The following SLC44A5 variants were observed in gnomAD, a reference collection of about 807,000 sequenced individuals.
SLC44A5 encodes the protein solute carrier family 44 member 5.
A neutral mutation model predicts 101.8 loss-of-function variants in SLC44A5; 57 were observed. That is an observed-to-expected ratio of 0.56 (90% confidence interval 0.45 to 0.70). The LOEUF (loss-of-function observed/expected upper bound fraction) is 0.70. SLC44A5 is among the 30% of genes least tolerant of loss of function. SLC44A5 has a pLI of 0.00. For synonymous variants in SLC44A5, 281 were observed against 290.9 expected (o/e 0.97, Z 0.35); for missense variants, 737 against 853.1 (o/e 0.86, Z 1.70).
chr1:75,632,312 G>T, the SLC44A5 span, among the ~76,000 whole-genome samples: 3 of 135,198 alleles, frequency 2.2e-5, no homozygotes, highest in African/African-American at 5.7e-5. Flanking sequence ...AATAAATATT[G>T]AAACAAATGC....
At chr1:75,374,731 T>C (rs139199269) in intron 3 of SLC44A5, among the ~76,000 whole-genome samples, 1 of 152,222 alleles carries the variant, frequency 6.6e-6, no homozygotes, top group East Asian at 1.9e-4. Context: ...TGGAGACCCA[T>C]GCAGGAAAGG....
intron 3 of SLC44A5, 130 bp downstream of exon 3, chr1:75,396,453 C>T (rs1408726617): frequency 7.8e-6 from 6 of 764,362 alleles, no homozygotes; most frequent in Non-Finnish European, 1.3e-5. Context: ...CCAAAAAAAG[C>T]TTCAGTCAGC....
At chr1:75,293,619 T>C (rs1570596178) in intron 5 of SLC44A5, among the ~76,000 whole-genome samples, 2 of 152,200 alleles carry the variant, frequency 1.3e-5, no homozygotes, top group East Asian at 3.8e-4. Flanking sequence ...TGAAAATCTG[T>C]GTTGATGACA....
At chr1:75,393,106 C>T (rs555466411) in intron 3 of SLC44A5, among the ~76,000 whole-genome samples, 19 of 152,246 alleles carry the variant, frequency 1.2e-4, no homozygotes, top group Admixed American at 9.2e-4. Context: ...CAAACCCTCA[C>T]GTCATGCAAT....
At chr1:75,366,180 C>A (rs1044191593) in intron 3 of SLC44A5, among the ~76,000 whole-genome samples, 1 of 152,126 alleles carries the variant, frequency 6.6e-6, no homozygotes, top group African/African-American at 2.4e-5. Context: ...TTCATTTTAA[C>A]TTGAAGAACT....
chr1:75,470,432 G>T (rs1667043648), intron 2 of SLC44A5, among the ~76,000 whole-genome samples: 1 of 152,176 alleles, frequency 6.6e-6, no homozygotes, highest in South Asian at 2.1e-4. Flanking sequence ...AGTTTATGTT[G>T]TATGAGCTCT....
At chr1:75,265,049 T>C (rs906779970) in intron 6 of SLC44A5, among the ~76,000 whole-genome samples, 6 of 151,886 alleles carry the variant, frequency 4.0e-5, no homozygotes, top group Non-Finnish European at 8.8e-5. Flanking sequence ...CCTACCAAGG[T>C]TGAATCAAGA....
At chr1:75,661,409 A>AAAC in the SLC44A5 span, among the ~76,000 whole-genome samples, 1 of 149,780 alleles carries the variant, frequency 6.7e-6, no homozygotes, top group Non-Finnish European at 1.5e-5. Flanking sequence ...AAAAAAAAAA[A>AAAC]AAAAAACACC....
At chr1:75,271,497 T>TTGTGTGTGTGTGTGTG (rs4035634) in intron 6 of SLC44A5, among the ~76,000 whole-genome samples, 5 of 146,304 alleles carry the variant, frequency 3.4e-5, no homozygotes, top group African/African-American at 7.6e-5. Flanking sequence ...TCTGCATGTT[T>TTGTGTGTGTGTGTGTG]TGTGTGTGTG....
At chr1:75,407,538 G>C (rs193253646) in intron 2 of SLC44A5, among the ~76,000 whole-genome samples, 1 of 152,044 alleles carries the variant, frequency 6.6e-6, no homozygotes, top group Non-Finnish European at 1.5e-5. Flanking sequence ...ACAGAACAGA[G>C]GTCTCAGAAA....
chr1:75,566,977 C>T (rs1344723070), intron 1 of SLC44A5, among the ~76,000 whole-genome samples: 2 of 152,112 alleles, frequency 1.3e-5, no homozygotes, highest in Non-Finnish European at 2.9e-5. Flanking sequence ...CTATGGATCC[C>T]CCACTTTTAT....
chr1:75,231,189 C>G (rs1647528582), intron 12 of SLC44A5, among the ~76,000 whole-genome samples: 1 of 152,114 alleles, frequency 6.6e-6, no homozygotes, highest in African/African-American at 2.4e-5. Flanking sequence ...CCAGGAGTTT[C>G]AGGTATGATC....
the SLC44A5 span, among the ~76,000 whole-genome samples, chr1:75,698,085 C>T: frequency 0.35 from 53,824 of 152,004 alleles, 10,047 homozygotes; most frequent in East Asian, 0.68. Context: ...GAGGGGTGTC[C>T]GCCATTGCCC....
chr1:75,292,762 C>T (rs950859781), intron 5 of SLC44A5, among the ~76,000 whole-genome samples: 2 of 152,140 alleles, frequency 1.3e-5, no homozygotes, highest in Admixed American at 6.5e-5. Context: ...TTAGAGGAGG[C>T]AGGAGGTGAA....
chr1:75,508,051 AACC>A (rs1669366458), intron 2 of SLC44A5, among the ~76,000 whole-genome samples: 1 of 151,766 alleles, frequency 6.6e-6, no homozygotes, highest in African/African-American at 2.4e-5. Context: ...TCCATCCATC[AACC>A]ATGGAATAAA....
rs1290711409 is a variant in SLC44A5 at position 75,380,822 on chromosome 1, A to G, written c.52+15761T>C. Among the ~76,000 whole-genome samples the G allele has an allele frequency of 1.1e-4, 9 of 82,256 alleles. 4 individuals carry two copies. Among genetic ancestry groups the G allele is most frequent in the African/African-American group, 7.2e-4 (9 of 12,556 alleles). The allele number at this position is 82,256 out of a possible 152,430, so 54.0% of individuals were successfully genotyped here. On this transcript the variant is annotated intron_variant, in intron 3 of 23. Coordinates refer to ENST00000370859, the MANE Select transcript of SLC44A5 (RefSeq NM_001130058.2). ...AATCCTATAGAAGTATATGTTAATG[A>G]TAGTGAATGGGTACCTGGCCCCACA...
chr1:75,711,997 T>C, the SLC44A5 span, among the ~76,000 whole-genome samples: 103 of 152,348 alleles, frequency 6.8e-4, no homozygotes, highest in South Asian at 2.9e-3. Context: ...GCTCTATTCT[T>C]TGGCTCTCAA....
At chr1:75,677,969 A>G in the SLC44A5 span, 2 of 193,740 alleles carry the variant, frequency 1.0e-5, no homozygotes, top group African/African-American at 4.8e-5. Context: ...GGGGTCAGGG[A>G]GTTCCCTTTC....
At chr1:75,562,444 T>A (rs1195786865) in intron 1 of SLC44A5, among the ~76,000 whole-genome samples, 2 of 152,140 alleles carry the variant, frequency 1.3e-5, no homozygotes, top group Admixed American at 1.3e-4. Context: ...ACACCTGTAA[T>A]CATACCACTT....
Sources: gnomAD v4.1 joint callset for allele counts (sites outside exome capture counted in the v4.1 genomes callset) on GRCh38, gnomAD v4.1.1 for gene constraint, MANE v1.5 for transcripts, NCBI Gene and HGNC (gene_info 2026-07-23, HGNC 2026-07-21) for gene names.